Variants in CACNG4 observed in about 807,000 individuals in gnomAD.
CACNG4 encodes the protein voltage-dependent calcium channel gamma-4 subunit.
A neutral mutation model predicts 22.9 loss-of-function variants in CACNG4; 8 were observed. The ratio of observed to expected loss-of-function variants is 0.35; its 90% CI spans 0.21 to 0.63. The LOEUF (loss-of-function observed/expected upper bound fraction) is 0.63. Ranked by LOEUF, CACNG4 falls within the 30% of genes least tolerant of loss-of-function variation. CACNG4 has a pLI of 0.72. For synonymous variants in CACNG4, 188 were observed against 191.9 expected, an observed-to-expected ratio of 0.98 and a Z score of 0.17; for missense variants, 357 against 455.4, an observed-to-expected ratio of 0.78 and a Z score of 1.97.
intron 1 of CACNG4, among the ~76,000 whole-genome samples, chr17:66,965,900 C>G (rs1294327076): frequency 1.3e-5 from 2 of 152,138 alleles, no homozygotes; most frequent in African/African-American, 2.4e-5. Flanking sequence ...AGACAGCGAC[C>G]TCGGTCGCGG....
In CACNG4 at chr17:67,025,943, G is replaced by A. The variant is rs530522667; in HGVS notation, c.445+943G>A. Reference sequence around the variant, plus strand: ...ATTCCAGCATCTGTTTCCTTCCAGCGCAATAAATAGACGTGTGTGTGGAGT... The same window carrying A: ...ATTCCAGCATCTGTTTCCTTCCAGCACAATAAATAGACGTGTGTGTGGAGT... On this transcript the variant is annotated intron_variant, in intron 3 of 3. Coordinates refer to ENST00000262138, the MANE Select transcript of CACNG4 (RefSeq NM_014405.4). Among the ~76,000 whole-genome samples, 168 of 152,362 alleles carry A rather than the reference G, an allele frequency of 1.1e-3. 1 individual carries two copies. Among genetic ancestry groups the A allele is most frequent in the Middle Eastern group, 6.8e-3 (2 of 294 alleles).
chr17:66,988,842 T>C (rs1263111628), intron 1 of CACNG4, among the ~76,000 whole-genome samples: 1 of 152,148 alleles, frequency 6.6e-6, no homozygotes, highest in East Asian at 1.9e-4. Context: ...GTGGATCACT[T>C]GAGGCCAGGA....
In CACNG4 at chr17:67,025,009, C is replaced by T. The variant is rs1160305145; in HGVS notation, c.445+9C>T. ...CCTCTTCGTGGCTGCAGGTGAGCCG[C>T]CCGCCCGGGCTGGTGCTGGGCCGGG... On this transcript the variant is annotated intron_variant, in intron 3 of 3. Transcript: ENST00000262138. The T allele has an allele frequency of 3.8e-6, 6 of 1,579,526 alleles. No homozygotes were observed. Among genetic ancestry groups the T allele is most frequent in the Non-Finnish European group, 3.4e-6 (4 of 1,166,300 alleles).
rs2035512087 is a variant in CACNG4 at position 67,018,242 on chromosome 17, T to C, written c.274T>C (p.Tyr92His). The C allele has an allele frequency of 6.2e-7, 1 of 1,613,944 alleles. No homozygotes were observed. Among genetic ancestry groups the C allele is most frequent in the Non-Finnish European group, 8.5e-7 (1 of 1,179,952 alleles). Residue 92 changes from tyrosine to histidine, a missense_variant, in exon 2 of 4, where the codon TAC (tyrosine) becomes CAC (histidine). Tyr to His is a moderately conservative substitution (Grantham distance 83, BLOSUM62 2). Coordinates refer to ENST00000262138, the MANE Select transcript of CACNG4 (RefSeq NM_014405.4). ...RINHFPEDND[Y>H]DHDSSEYLLR... ...CAATCACTTCCCAGAGGACAATGACTACGACCACGACAGCTCGGAGTACCT... is the reference window on the plus strand; with the variant it reads ...CAATCACTTCCCAGAGGACAATGACCACGACCACGACAGCTCGGAGTACCT...
In CACNG4 at chr17:67,000,414, G is replaced by GT. The variant is rs796585352; in HGVS notation, c.221-17763dup. Among the ~76,000 whole-genome samples the GT allele has an allele frequency of 2.1e-3, 283 of 136,490 alleles. 2 individuals carry two copies. The highest frequency in any genetic ancestry group is 0.012 in the South Asian group (52 of 4,508). The allele number at this position is 136,490 out of a possible 152,430, so 89.5% of individuals were successfully genotyped here. A position where few individuals can be genotyped will look rare whatever the true frequency, so the allele number is the denominator to read the frequency against. Reference sequence around the variant, plus strand: ...AGCTGGATTTTACATTTTATTTACTGTTTTTTTTTTTTAAATGCAAGCAAA... The same window carrying GT: ...AGCTGGATTTTACATTTTATTTACTGTTTTTTTTTTTTTAAATGCAAGCAAA... On this transcript the variant is annotated intron_variant, in intron 1 of 3. Transcript: ENST00000262138.
intron 2 of CACNG4, among the ~76,000 whole-genome samples, chr17:67,023,659 C>T (rs956179059): frequency 6.6e-6 from 1 of 151,640 alleles, no homozygotes; most frequent in Non-Finnish European, 1.5e-5. Flanking sequence ...GCAACCTCCA[C>T]CTCTGGGGTT....
chr17:66,977,835 G>A (rs1291898826), intron 1 of CACNG4, among the ~76,000 whole-genome samples: 1 of 152,170 alleles, frequency 6.6e-6, no homozygotes, highest in Non-Finnish European at 1.5e-5. Context: ...GGCATTGTGG[G>A]CACAGAAAGC....
At chr17:66,965,502 C>A (rs1467127023) in intron 1 of CACNG4, among the ~76,000 whole-genome samples, 1 of 150,854 alleles carries the variant, frequency 6.6e-6, no homozygotes, top group Non-Finnish European at 1.5e-5. Context: ...CGCCGGCACC[C>A]CCGGGGGAGG....
chr17:67,015,657 G>A (rs780380092), intron 1 of CACNG4, among the ~76,000 whole-genome samples: 3 of 152,188 alleles, frequency 2.0e-5, no homozygotes, highest in Admixed American at 6.5e-5. Flanking sequence ...GTGTGCCCAC[G>A]AAGGAGCATC....
At chr17:66,990,389 T>C (rs533168174) in intron 1 of CACNG4, among the ~76,000 whole-genome samples, 1 of 152,314 alleles carries the variant, frequency 6.6e-6, no homozygotes, top group East Asian at 1.9e-4. Context: ...AACAGAGTCT[T>C]ATATTACGTA....
chr17:67,022,723 G>A (rs1736424961), intron 2 of CACNG4, among the ~76,000 whole-genome samples: 1 of 152,268 alleles, frequency 6.6e-6, no homozygotes, highest in Non-Finnish European at 1.5e-5. Flanking sequence ...GGGCCACCAA[G>A]GGTCCATGCA....
At chr17:66,982,910 C>A (rs957894177) in intron 1 of CACNG4, among the ~76,000 whole-genome samples, 1 of 152,182 alleles carries the variant, frequency 6.6e-6, no homozygotes, top group Non-Finnish European at 1.5e-5. Context: ...GCCCTGTGCA[C>A]TTTATATAGA....
Position 66,984,813 on chromosome 17 carries a change from G to T in CACNG4, c.220+19682G>T, listed in dbSNP as rs894483040. ...AGGCGAAGCAGCAGGGGCAGAGTTT[G>T]ACTTGAACCCGAGCCTGAGTTTAGC... On this transcript the variant is annotated intron_variant, in intron 1 of 3. Transcript: ENST00000262138. The surrounding 1 kb of genome is among the most constrained non-coding windows in gnomAD (Gnocchi z 4.0). 1.3e-5 allele frequency among the ~76,000 whole-genome samples: 2 copies of T among 152,122 alleles called. No homozygotes were observed. Among genetic ancestry groups the T allele is most frequent in the Non-Finnish European group, 2.9e-5 (2 of 68,014 alleles).
At chr17:66,982,051 C>T (rs2035278202) in intron 1 of CACNG4, among the ~76,000 whole-genome samples, 2 of 152,150 alleles carry the variant, frequency 1.3e-5, no homozygotes, top group Admixed American at 6.5e-5. Context: ...GCTCGCTGAC[C>T]TCAAGAATGA....
At chr17:66,993,684 C>T (rs957926039) in intron 1 of CACNG4, among the ~76,000 whole-genome samples, 2 of 152,222 alleles carry the variant, frequency 1.3e-5, no homozygotes, top group Non-Finnish European at 2.9e-5. Context: ...CGGCTCATTG[C>T]AACCTCTGCC....
chr17:67,025,120 C>T (rs2143369650), intron 3 of CACNG4, 120 bp downstream of exon 3: 2 of 898,488 alleles, frequency 2.2e-6, no homozygotes, highest in South Asian at 5.1e-5. Context: ...CATAACATCG[C>T]CACATGCAAC....
In CACNG4 at chr17:66,993,157, C is replaced by T. The variant is rs558775303; in HGVS notation, c.221-25032C>T. ...GCCAGGGGACTCCAAGGCTGCCTGA[C>T]GGTGGCTCGTGTGGGCCTGAGGCCT... is the stretch of plus-strand genomic sequence containing the variant. On this transcript the variant is annotated intron_variant, in intron 1 of 3. Coordinates refer to ENST00000262138, the MANE Select transcript of CACNG4 (RefSeq NM_014405.4). Among the ~76,000 whole-genome samples the T allele has an allele frequency of 4.6e-5, 7 of 152,376 alleles. No homozygotes were observed. The East Asian group carries it at 5.8e-4, about 13-fold the overall frequency.
intron 2 of CACNG4, among the ~76,000 whole-genome samples, chr17:67,019,670 G>T (rs1019959244): frequency 6.6e-6 from 1 of 152,188 alleles, no homozygotes; most frequent in African/African-American, 2.4e-5. Flanking sequence ...TCTGGGGGCA[G>T]ATGTGCCCAT....
At chr17:67,003,111 C>T (rs189191546) in intron 1 of CACNG4, among the ~76,000 whole-genome samples, 1 of 152,066 alleles carries the variant, frequency 6.6e-6, no homozygotes, top group Non-Finnish European at 1.5e-5. Context: ...GTTATTAGAA[C>T]AGGGCTGATT....
Sources: gnomAD v4.1 joint callset for allele counts (sites outside exome capture counted in the v4.1 genomes callset) on GRCh38, gnomAD v4.1.1 for gene constraint, Gnocchi (gnomAD v3.1) non-coding constraint, MANE v1.5 for transcripts, NCBI Gene and HGNC (gene_info 2026-07-23, HGNC 2026-07-21) for gene names.